ARFGEF3: variants seen among roughly 807,000 people sequenced by gnomAD.
ARFGEF3 encodes the protein ARFGEF family member 3.
In ARFGEF3, 96 loss-of-function variants were observed where a neutral mutation model predicts 221.7. The ratio of observed to expected loss-of-function variants is 0.43; its 90% confidence interval spans 0.37 to 0.51. The LOEUF (loss-of-function observed/expected upper bound fraction) is 0.51. Ranked by LOEUF, ARFGEF3 falls within the 20% of genes least tolerant of loss-of-function variation. ARFGEF3 has a pLI of 0.00. For missense variants in ARFGEF3, 2,410 were observed against 2,789.9 expected (o/e 0.86, Z 3.07); for synonymous variants, 1,145 against 1,126.8 (o/e 1.02, Z -0.32).
intron 18 of ARFGEF3, among the ~76,000 whole-genome samples, chr6:138,290,445 AC>A (rs1779382406): frequency 6.6e-6 from 1 of 152,252 alleles, no homozygotes. Flanking sequence ...ACAAAACAAA[AC>A]AAAAAATCGT....
intron 5 of ARFGEF3, among the ~76,000 whole-genome samples, chr6:138,235,362 G>A (rs1274471848): frequency 6.6e-6 from 1 of 152,144 alleles, no homozygotes; most frequent in African/African-American, 2.4e-5. Context: ...GGTGCCTATA[G>A]GGCTTTTCAC....
intron 22 of ARFGEF3, among the ~76,000 whole-genome samples, chr6:138,304,022 A>T (rs1035343505): frequency 2.6e-5 from 4 of 152,164 alleles, no homozygotes; most frequent in Non-Finnish European, 4.4e-5. Context: ...GAGAAATGAA[A>T]ACATCTATAC....
Position 138,263,421 on chromosome 6 carries a change from C to T in ARFGEF3, c.1938C>T (p.Asp646=). ...SLADEEQTPR[D]CLGHRSLRTA... is the part of the protein sequence containing the mutation. ...CCGATGAAGAGCAGACACCCCGGGA[C>T]TGCCTAGGCCACCGGTCCCTGCGAA... Residue 646 remains aspartate, a synonymous_variant, in exon 12 of 34, where the codon GAC becomes GAT. Transcript: ENST00000251691. 3.1e-6 allele frequency: 5 copies of T among 1,614,010 alleles called. No homozygotes were observed. Among genetic ancestry groups the T allele is most frequent in the Non-Finnish European group, 3.4e-6 (4 of 1,179,916 alleles).
chr6:138,307,493 G>A, intron 23 of ARFGEF3, 96 bp downstream of exon 23: 1 of 1,122,316 alleles, frequency 8.9e-7, no homozygotes, highest in Non-Finnish European at 1.3e-6. Context: ...AGGGAAGACA[G>A]ATTGTCAGCC....
intron 22 of ARFGEF3, among the ~76,000 whole-genome samples, chr6:138,300,978 A>G (rs190989227): frequency 2.0e-5 from 3 of 152,348 alleles, no homozygotes; most frequent in Admixed American, 2.0e-4. Flanking sequence ...TGCATTCAAT[A>G]AAAAATAACC....
intron 33 of ARFGEF3, among the ~76,000 whole-genome samples, chr6:138,335,807 A>C (rs770249067): frequency 5.1e-4 from 77 of 152,240 alleles, no homozygotes; most frequent in Non-Finnish European, 1.9e-4. Flanking sequence ...ATATAAAAGA[A>C]AAAAGCAAAG....
At position 138,290,138 on chromosome 6, in the gene ARFGEF3, G is replaced by A. The variant is rs112245038; in HGVS notation, c.3047+170G>A. ...CAAATGAGACGTGAAAAGAGAAGAG[G>A]GAATAAGGGCCCAACTGAATGTATG... On this transcript the variant is annotated intron_variant, in intron 18 of 33. Coordinates refer to ENST00000251691, the MANE Select transcript of ARFGEF3 (RefSeq NM_020340.5). 8.5e-3 allele frequency among the ~76,000 whole-genome samples: 1,302 copies of A among 152,298 alleles called. 15 individuals carry two copies. The highest frequency in any genetic ancestry group is 0.03 in the African/African-American group (1,241 of 41,544).
At chr6:138,166,211 A>G (rs1381655576) in intron 1 of ARFGEF3, among the ~76,000 whole-genome samples, 1 of 152,244 alleles carries the variant, frequency 6.6e-6, no homozygotes, top group Non-Finnish European at 1.5e-5. Flanking sequence ...TCAATACTTT[A>G]ACTACTTGTT....
intron 12 of ARFGEF3, among the ~76,000 whole-genome samples, chr6:138,277,264 T>A (rs571813471): frequency 6.6e-6 from 1 of 152,242 alleles, no homozygotes; most frequent in Admixed American, 6.5e-5. Flanking sequence ...GCATAATGTT[T>A]TCAAGGCGCC....
chr6:138,271,653 C>T (rs1324688277), intron 12 of ARFGEF3, among the ~76,000 whole-genome samples: 1 of 152,200 alleles, frequency 6.6e-6, no homozygotes, highest in Non-Finnish European at 1.5e-5. Context: ...ATGAACCTGG[C>T]TCCAGACAGC....
chr6:138,181,752 T>C (rs561318910), intron 2 of ARFGEF3, among the ~76,000 whole-genome samples: 1 of 152,342 alleles, frequency 6.6e-6, no homozygotes, highest in African/African-American at 2.4e-5. Context: ...TCTTCATCCC[T>C]TTTGAATGGA....
At chr6:138,303,313 AAGAGGAAC>A (rs1779658980) in intron 22 of ARFGEF3, among the ~76,000 whole-genome samples, 1 of 152,212 alleles carries the variant, frequency 6.6e-6, no homozygotes, top group African/African-American at 2.4e-5. Context: ...AAGGTAGTAA[AAGAGGAAC>A]AGAGGAACAA....
chr6:138,275,831 C>A (rs1779086617), intron 12 of ARFGEF3, among the ~76,000 whole-genome samples: 1 of 151,312 alleles, frequency 6.6e-6, no homozygotes, highest in African/African-American at 2.4e-5. Flanking sequence ...TTCATAGGGA[C>A]AACATCACTG....
chr6:138,324,115 C>G lies in ARFGEF3; in HGVS notation c.4962C>G (p.Ala1654=), dbSNP rs774890913. 2 of 1,613,670 alleles carry G rather than the reference C, an allele frequency of 1.2e-6. No individual in the cohort carries two copies. The highest frequency in any genetic ancestry group is 1.7e-6 in the Non-Finnish European group (2 of 1,179,896). The stretch of plus-strand genomic sequence containing the variant: ...CGGCCCCGTCCTCCTCCCCAAGTGC[C>G]GAGGCCGAGTACTGGCGCATCCGAG... ...RVAAPSSSPS[A]EAEYWRIRAM... Residue 1654 remains alanine (A), a synonymous_variant, in exon 31 of 34, where the codon GCC becomes GCG. Coordinates refer to ENST00000251691, the MANE Select transcript of ARFGEF3 (RefSeq NM_020340.5).
At chr6:138,169,219 C>A (rs1437417215) in intron 1 of ARFGEF3, among the ~76,000 whole-genome samples, 1 of 152,180 alleles carries the variant, frequency 6.6e-6, no homozygotes, top group East Asian at 1.9e-4. Context: ...TGCCCTCTCC[C>A]CAGCTACCAT....
At position 138,321,178 on chromosome 6, in the gene ARFGEF3, G is replaced by A. The variant is rs780272751; in HGVS notation, c.4719G>A (p.Val1573=). 1.4e-5 allele frequency: 22 copies of A among 1,563,050 alleles called. No homozygotes were observed. In the East Asian group the frequency reaches 1.7e-4, roughly 12 times the overall value. Residue 1573 remains valine (V), a synonymous_variant, in exon 29 of 34, where the codon GTG becomes GTA. Transcript: ENST00000251691. ...TCTTTGAGTTGCTGGTCGCCTGTGT[G>A]GCCAAGCCCACTGAAACCATCTCCA... is the stretch of plus-strand genomic sequence containing the variant. ...KDLFELLVAC[V]AKPTETISRV... is the part of the protein sequence containing the mutation.
At chr6:138,188,305 T>C (rs1047674618) in intron 2 of ARFGEF3, among the ~76,000 whole-genome samples, 5 of 152,120 alleles carry the variant, frequency 3.3e-5, no homozygotes, top group Admixed American at 6.5e-5. Context: ...CAGACTTAGG[T>C]TCCCCCCCTC....
chr6:138,186,878 C>T (rs569292930), intron 2 of ARFGEF3, among the ~76,000 whole-genome samples: 14 of 149,450 alleles, frequency 9.4e-5, no homozygotes, highest in South Asian at 8.5e-4. Flanking sequence ...ATCTCCTCCA[C>T]GAGTTATTCC....
intron 2 of ARFGEF3, among the ~76,000 whole-genome samples, chr6:138,176,135 A>G (rs975097686): frequency 4.6e-5 from 7 of 151,312 alleles, no homozygotes; most frequent in African/African-American, 1.5e-4. Flanking sequence ...ACATGTCTCT[A>G]CAAGTAAAGT....
Sources: gnomAD v4.1 joint callset for allele counts (sites outside exome capture counted in the v4.1 genomes callset) on GRCh38, gnomAD v4.1.1 for gene constraint, MANE v1.5 for transcripts, NCBI Gene and HGNC (gene_info 2026-07-23, HGNC 2026-07-21) for gene names.